Variants in ULK4 observed in about 807,000 individuals in gnomAD.
ULK4 encodes unc-51 like kinase 4, also known as inactive serine/threonine-protein kinase ULK4.
A neutral mutation model predicts 160.6 loss-of-function variants in ULK4; 133 were observed. The ratio of observed to expected loss-of-function variants is 0.83; its 90% CI spans 0.72 to 0.96. The LOEUF (loss-of-function observed/expected upper bound fraction) is 0.96. Ranked by LOEUF, ULK4 falls within the 40% of genes least tolerant of loss-of-function variation. The pLI, the probability that ULK4 is intolerant of heterozygous loss-of-function variation, is 0.00. For synonymous variants in ULK4, 534 were observed against 539.8 expected (o/e 0.99, Z 0.15); for missense variants, 1,580 against 1,499.5 (o/e 1.05, Z -0.89).
intron 35 of ULK4, among the ~76,000 whole-genome samples, chr3:41,316,225 C>T (rs1490101526): frequency 6.6e-6 from 1 of 152,170 alleles, no homozygotes; most frequent in African/African-American, 2.4e-5. Flanking sequence ...GGCACCGACG[C>T]ATGCTACAAA....
intron 32 of ULK4, among the ~76,000 whole-genome samples, chr3:41,467,765 T>C (rs1443783770): frequency 6.6e-6 from 1 of 152,122 alleles, no homozygotes; most frequent in African/African-American, 2.4e-5. Flanking sequence ...TAAAGAAAAC[T>C]TGTCTCTATT....
At chr3:41,954,926 A>G in intron 1 of ULK4, 119 bp from the exon 2 acceptor site, 1 of 629,384 alleles carries the variant, frequency 1.6e-6, no homozygotes, top group Non-Finnish European at 2.6e-6. Context: ...ACAAATTCAG[A>G]AAATTCACTT....
In ULK4 at chr3:41,681,789, G is replaced by A. The variant is rs6763446; in HGVS notation, c.2797C>T (p.Leu933=). ...DYRSTVVDYI[L]PPLVSLVQSQ... ...TGAACCAAGGACACCAAGGGTGGCA[G>A]TATATAGTCAACAACCTAAAAGAAA... Residue 933 remains leucine, a synonymous_variant, in exon 28 of 37, where the codon CTG becomes TTG. Transcript: ENST00000301831. 14,510 of 1,613,934 alleles carry A rather than the reference G, an allele frequency of 9.0e-3. 426 individuals carry two copies. Among genetic ancestry groups the A allele is most frequent in the East Asian group, 0.078 (3,479 of 44,864 alleles).
chr3:41,754,045 TCCAATTACTC>T (rs2125897886), intron 22 of ULK4, among the ~76,000 whole-genome samples: 1 of 152,224 alleles, frequency 6.6e-6, no homozygotes, highest in African/African-American at 2.4e-5. Flanking sequence ...ACTCCCATGA[TCCAATTACTC>T]CCACTTGGTC....
chr3:41,795,610 T>C (rs1350654673), intron 20 of ULK4, among the ~76,000 whole-genome samples: 1 of 152,226 alleles, frequency 6.6e-6, no homozygotes, highest in Non-Finnish European at 1.5e-5. Flanking sequence ...GCTTTAAACA[T>C]TAATATTACC....
chr3:41,533,158 T>C (rs1559373935), intron 32 of ULK4, among the ~76,000 whole-genome samples: 1 of 152,122 alleles, frequency 6.6e-6, no homozygotes, highest in African/African-American at 2.4e-5. Context: ...GCTGACACTG[T>C]GGAGCCCAGA....
intron 19 of ULK4, among the ~76,000 whole-genome samples, chr3:41,803,186 T>C (rs944826939): frequency 7.8e-6 from 1 of 128,372 alleles, no homozygotes; most frequent in African/African-American, 3.6e-5. Context: ...AAAAAAAGAT[T>C]TGTAATAATA....
rs2034966901 is a variant in ULK4 at position 41,657,152 on chromosome 3, T to C, written c.3071+6455A>G. On this transcript the variant is annotated intron_variant, in intron 30 of 36. Coordinates refer to ENST00000301831, the MANE Select transcript of ULK4 (RefSeq NM_017886.4). ...GTACTGTTTTTTTAAAAAAAAATCC[T>C]GGTCATGTACAATGCAGATTTGATT... Among the ~76,000 whole-genome samples the C allele has an allele frequency of 1.3e-5, 2 of 152,122 alleles. 1 individual carries two copies. Among genetic ancestry groups the C allele is most frequent in the Admixed American group, 1.3e-4 (2 of 15,262 alleles).
At chr3:41,954,335 G>A (rs1700410541) in intron 2 of ULK4, among the ~76,000 whole-genome samples, 1 of 142,820 alleles carries the variant, frequency 7.0e-6, no homozygotes, top group African/African-American at 2.6e-5. Context: ...GGGCAACAGA[G>A]AGAGACCCTG....
chr3:41,850,632 A>C (rs1196330211), intron 17 of ULK4, among the ~76,000 whole-genome samples: 2 of 144,646 alleles, frequency 1.4e-5, no homozygotes, highest in Non-Finnish European at 3.0e-5. Context: ...GTCTGTTAAT[A>C]TCCTTTGCCC....
intron 27 of ULK4, among the ~76,000 whole-genome samples, chr3:41,704,157 T>C (rs1463763451): frequency 1.3e-5 from 2 of 152,236 alleles, no homozygotes; most frequent in East Asian, 1.9e-4. Context: ...AACTCTCTGC[T>C]GGGTTATGCT....
At chr3:41,839,019 T>A (rs191532973) in intron 17 of ULK4, among the ~76,000 whole-genome samples, 1 of 152,314 alleles carries the variant, frequency 6.6e-6, no homozygotes, top group Admixed American at 6.5e-5. Context: ...ACGGTGACCA[T>A]AGTTCATAAT....
At chr3:41,359,836 T>A (rs1045301043) in intron 35 of ULK4, among the ~76,000 whole-genome samples, 4 of 152,182 alleles carry the variant, frequency 2.6e-5, no homozygotes, top group Non-Finnish European at 5.9e-5. Flanking sequence ...GAAGAAAATC[T>A]AGGCAATACC....
intron 17 of ULK4, among the ~76,000 whole-genome samples, chr3:41,850,656 G>GTTAT (rs2042187279): frequency 6.7e-6 from 1 of 149,114 alleles, no homozygotes; most frequent in African/African-American, 2.6e-5. Flanking sequence ...TTTTGATGGG[G>GTTAT]TTGTTTTTTT....
At chr3:41,898,909 AG>A (rs1698257134) in intron 13 of ULK4, among the ~76,000 whole-genome samples, 2 of 152,388 alleles carry the variant, frequency 1.3e-5, no homozygotes, top group South Asian at 2.1e-4. Context: ...TGGGAAGATG[AG>A]ACAAACATTC....
At chr3:41,617,792 A>G (rs1329359360) in intron 30 of ULK4, among the ~76,000 whole-genome samples, 1 of 152,208 alleles carries the variant, frequency 6.6e-6, no homozygotes, top group Non-Finnish European at 1.5e-5. Context: ...TAACAGAAGT[A>G]GGCTTCAGAA....
At chr3:41,654,144 A>C (rs2034846336) in intron 30 of ULK4, among the ~76,000 whole-genome samples, 1 of 152,252 alleles carries the variant, frequency 6.6e-6, no homozygotes, top group African/African-American at 2.4e-5. Flanking sequence ...CAACAGGTTC[A>C]CAAATCAAGA....
chr3:41,283,418 C>T (rs1374320426), intron 35 of ULK4, among the ~76,000 whole-genome samples: 1 of 152,270 alleles, frequency 6.6e-6, no homozygotes, highest in African/African-American at 2.4e-5. Flanking sequence ...CAATGATAGA[C>T]TGGATTAAGA....
intron 32 of ULK4, among the ~76,000 whole-genome samples, chr3:41,562,155 A>G (rs553038392): frequency 1.3e-5 from 2 of 152,298 alleles, no homozygotes; most frequent in South Asian, 2.1e-4. Flanking sequence ...TTCTGTTTCC[A>G]TGTAGTCGTG....
Sources: gnomAD v4.1 joint callset for allele counts (sites outside exome capture counted in the v4.1 genomes callset) on GRCh38, gnomAD v4.1.1 for gene constraint, MANE v1.5 for transcripts, NCBI Gene and HGNC (gene_info 2026-07-23, HGNC 2026-07-21) for gene names.